Variants in SLC44A5 observed in about 807,000 individuals in gnomAD.
The protein encoded by SLC44A5 is solute carrier family 44 member 5.
Under a neutral mutation model 101.8 loss-of-function variants are expected in SLC44A5, and 57 were observed. That is an observed-to-expected ratio of 0.56 (90% CI 0.45 to 0.70). The LOEUF (loss-of-function observed/expected upper bound fraction) is 0.70. SLC44A5 is among the 30% of genes least tolerant of loss of function. The probability of loss-of-function intolerance (pLI) is 0.00; values close to 1 mark genes in which losing one functional copy is unlikely to be tolerated. For synonymous variants in SLC44A5, 281 were observed against 290.9 expected (o/e 0.97, Z 0.35); for missense variants, 737 against 853.1 (o/e 0.86, Z 1.70).
chr1:75,644,999 G>C, the SLC44A5 span, among the ~76,000 whole-genome samples: 1 of 152,052 alleles, frequency 6.6e-6, no homozygotes, highest in Non-Finnish European at 1.5e-5. Flanking sequence ...GTGTATATAT[G>C]CCACATTTTC....
At chr1:75,360,841 GA>G (rs1439620496) in intron 3 of SLC44A5, among the ~76,000 whole-genome samples, 1 of 152,116 alleles carries the variant, frequency 6.6e-6, no homozygotes, top group East Asian at 1.9e-4. Context: ...CTCTATTTGT[GA>G]AAAATGCCAT....
At chr1:75,669,624 C>T in the SLC44A5 span, among the ~76,000 whole-genome samples, 1 of 152,170 alleles carries the variant, frequency 6.6e-6, no homozygotes, top group South Asian at 2.1e-4. Flanking sequence ...ATTCCCCTAA[C>T]TCTTGTTGTC....
At chr1:75,694,752 G>C in the SLC44A5 span, among the ~76,000 whole-genome samples, 1 of 152,108 alleles carries the variant, frequency 6.6e-6, no homozygotes, top group Non-Finnish European at 1.5e-5. Flanking sequence ...GTTGTATCAA[G>C]AAGTTTAATA....
At chr1:75,307,247 C>T (rs1374148173) in intron 4 of SLC44A5, among the ~76,000 whole-genome samples, 4 of 152,120 alleles carry the variant, frequency 2.6e-5, no homozygotes, top group African/African-American at 7.2e-5. Context: ...TTGTTGGTGT[C>T]ACCTGGGTAC....
At chr1:75,533,978 A>T (rs1258626692) in intron 2 of SLC44A5, among the ~76,000 whole-genome samples, 1 of 152,220 alleles carries the variant, frequency 6.6e-6, no homozygotes, top group African/African-American at 2.4e-5. Flanking sequence ...AAAAAAGCAG[A>T]TAATTACCCA....
intron 2 of SLC44A5, among the ~76,000 whole-genome samples, chr1:75,449,957 T>C (rs1457298086): frequency 6.6e-6 from 1 of 151,990 alleles, no homozygotes; most frequent in Non-Finnish European, 1.5e-5. Flanking sequence ...GCCAAGATCA[T>C]GCCACTGCAC....
At chr1:75,407,590 G>A (rs1046156903) in intron 2 of SLC44A5, among the ~76,000 whole-genome samples, 2 of 152,086 alleles carry the variant, frequency 1.3e-5, no homozygotes, top group African/African-American at 4.8e-5. Flanking sequence ...TGACAAACCT[G>A]ACAAAAACAA....
chr1:75,320,805 A>C (rs973053951), intron 4 of SLC44A5, among the ~76,000 whole-genome samples: 9 of 152,156 alleles, frequency 5.9e-5, no homozygotes, highest in East Asian at 5.8e-4. Flanking sequence ...CTGTCCAATT[A>C]CCAAGCAAGC....
the SLC44A5 span, among the ~76,000 whole-genome samples, chr1:75,704,708 G>A: frequency 6.6e-6 from 1 of 152,130 alleles, no homozygotes; most frequent in Non-Finnish European, 1.5e-5. Context: ...TGTGGTAAGA[G>A]ACCAATAACT....
At chr1:75,503,989 G>A (rs1669108448) in intron 2 of SLC44A5, among the ~76,000 whole-genome samples, 1 of 152,032 alleles carries the variant, frequency 6.6e-6, no homozygotes, top group African/African-American at 2.4e-5. Flanking sequence ...TTTGTATTTT[G>A]CCCCTAAACA....
chr1:75,409,010 A>C (rs1340720630), intron 2 of SLC44A5, among the ~76,000 whole-genome samples: 1 of 152,180 alleles, frequency 6.6e-6, no homozygotes, highest in Non-Finnish European at 1.5e-5. Flanking sequence ...CCAACTATGC[A>C]TCCATAAGAA....
At chr1:75,434,711 C>A (rs1443007328) in intron 2 of SLC44A5, among the ~76,000 whole-genome samples, 2 of 152,100 alleles carry the variant, frequency 1.3e-5, no homozygotes, top group Non-Finnish European at 2.9e-5. Flanking sequence ...GCCACTCCAG[C>A]CACTATTTAG....
chr1:75,218,657 A>C lies in SLC44A5; in HGVS notation c.1362T>G (p.Pro454=), dbSNP rs1428298415. 6.2e-7 allele frequency: 1 copy of C among 1,613,858 alleles called. No individual in the cohort carries two copies. Among genetic ancestry groups the C allele is most frequent in the Admixed American group, 1.7e-5 (1 of 60,010 alleles). Residue 454 remains proline, a synonymous_variant, in exon 17 of 24, where the codon CCT becomes CCG. Transcript: ENST00000370859. ...CAAATAAGTTGTATACATGGAAGGT[A>C]GGGATGTACTGATGGTACAAGCTCT... ...GGKSLYHQYI[P]TFHVYNLFVF... is the part of the protein sequence containing the mutation.
chr1:75,436,190 T>A (rs370819192), intron 2 of SLC44A5, among the ~76,000 whole-genome samples: 1 of 152,250 alleles, frequency 6.6e-6, no homozygotes, highest in African/African-American at 2.4e-5. Flanking sequence ...AAATTATGTG[T>A]GTGTGTAAAA....
At chr1:75,252,508 C>T (rs577264826) in intron 6 of SLC44A5, among the ~76,000 whole-genome samples, 68 of 152,248 alleles carry the variant, frequency 4.5e-4, no homozygotes, top group African/African-American at 1.5e-3. Context: ...CAGGATACAA[C>T]CAATGATTGC....
At chr1:75,368,801 A>G (rs1441305564) in intron 3 of SLC44A5, among the ~76,000 whole-genome samples, 1 of 152,230 alleles carries the variant, frequency 6.6e-6, no homozygotes. Flanking sequence ...AATGTTCTGC[A>G]TGTTTACTGT....
At chr1:75,444,473 G>GAAAGAAAGA (rs375395730) in intron 2 of SLC44A5, among the ~76,000 whole-genome samples, 3,731 of 95,240 alleles carry the variant, frequency 0.039, 77 homozygotes, top group Middle Eastern at 0.098. Flanking sequence ...AAAAAAGAAA[G>GAAAGAAAGA]AGAAAGAAAG....
At chr1:75,531,384 T>C (rs1305619483) in intron 2 of SLC44A5, among the ~76,000 whole-genome samples, 1 of 152,048 alleles carries the variant, frequency 6.6e-6, no homozygotes, top group Non-Finnish European at 1.5e-5. Flanking sequence ...GAAATATGCT[T>C]GAGAAAAAGC....
the SLC44A5 span, among the ~76,000 whole-genome samples, chr1:75,700,953 C>A: frequency 6.6e-6 from 1 of 152,102 alleles, no homozygotes; most frequent in Non-Finnish European, 1.5e-5. Context: ...CAAGACTAAA[C>A]CAGGAAGAAG....
Sources: allele counts gnomAD v4.1 joint callset (sites outside exome capture counted in the v4.1 genomes callset), GRCh38; gene constraint gnomAD v4.1.1; transcripts MANE v1.5; gene names NCBI Gene and HGNC (gene_info 2026-07-23, HGNC 2026-07-21).